Variants in ARHGEF7 observed in about 807,000 individuals in gnomAD.
ARHGEF7 encodes the protein PAK-interacting exchange factor beta.
In ARHGEF7, 33 loss-of-function variants were observed where a neutral mutation model predicts 109.8. The ratio of observed to expected loss-of-function variants is 0.30; its 90% CI spans 0.23 to 0.40. The LOEUF (loss-of-function observed/expected upper bound fraction) is 0.40, where lower values mean the gene tolerates loss of function less well. Among genes scored for constraint, ARHGEF7 ranks in the 10% least tolerant of loss-of-function variants. The pLI, the probability that ARHGEF7 is intolerant of heterozygous loss-of-function variation, is 1.00. For synonymous variants in ARHGEF7, 458 were observed against 424.6 expected, an observed-to-expected ratio of 1.08 and a Z score of -0.97; for missense variants, 938 against 1,098.5, an observed-to-expected ratio of 0.85 and a Z score of 2.07.
At chr13:111,262,446 T>G (rs2091206908) in intron 8 of ARHGEF7, among the ~76,000 whole-genome samples, 1 of 151,960 alleles carries the variant, frequency 6.6e-6, no homozygotes, top group Admixed American at 6.6e-5. Flanking sequence ...CCACCCTGAG[T>G]GGGAGCAGGA....
intron 1 of ARHGEF7, among the ~76,000 whole-genome samples, chr13:111,133,761 CTTTATA>C (rs1357294380): frequency 1.4e-4 from 10 of 73,352 alleles, no homozygotes; most frequent in Non-Finnish European, 2.0e-4. Flanking sequence ...ATCTGCTTTT[CTTTATA>C]TATATATATA....
At chr13:111,203,219 C>T in intron 2 of ARHGEF7, 1 of 622,716 alleles carries the variant, frequency 1.6e-6, no homozygotes, top group South Asian at 2.1e-5. Context: ...ATCTGTAGAG[C>T]TGAAAGACAT....
intron 2 of ARHGEF7, among the ~76,000 whole-genome samples, chr13:111,194,929 G>A (rs866454981): frequency 2.6e-5 from 4 of 152,324 alleles, no homozygotes; most frequent in Middle Eastern, 6.8e-3. Context: ...AGAGAGCAGG[G>A]TATAGGGGTT....
chr13:111,240,920 A>G (rs530296871), intron 6 of ARHGEF7, among the ~76,000 whole-genome samples: 1 of 152,362 alleles, frequency 6.6e-6, no homozygotes, highest in African/African-American at 2.4e-5. Flanking sequence ...ATAAACATAT[A>G]AAACACCTAC....
chr13:111,174,815 G>C (rs962192760), intron 2 of ARHGEF7, among the ~76,000 whole-genome samples: 2 of 152,008 alleles, frequency 1.3e-5, no homozygotes, highest in South Asian at 4.1e-4. Context: ...GGTCCTTGCA[G>C]CTCCTAGGAA....
chr13:111,266,350 G>A lies in ARHGEF7; in HGVS notation c.951-1198G>A, dbSNP rs1246363868. Among the ~76,000 whole-genome samples the A allele has an allele frequency of 1.3e-5, 2 of 152,106 alleles. No homozygotes were observed. The highest frequency in any genetic ancestry group is 2.9e-5 in the Non-Finnish European group (2 of 68,016). Reference sequence around the variant, plus strand: ...CTTCTGAATGACTCTGCTGTTGTCTGGGGCCTCGGTCTTCTTTTGGCCTGT... The same window carrying A: ...CTTCTGAATGACTCTGCTGTTGTCTAGGGCCTCGGTCTTCTTTTGGCCTGT... On this transcript the variant is annotated intron_variant, in intron 8 of 21. Transcript: ENST00000646102. The surrounding 1 kb of genome is among the most constrained non-coding windows in gnomAD (Gnocchi z 4.8).
intron 9 of ARHGEF7, among the ~76,000 whole-genome samples, chr13:111,271,555 AATG>A (rs113960951): frequency 3.2e-4 from 49 of 152,214 alleles, no homozygotes; most frequent in African/African-American, 1.1e-3. Context: ...GTCTCAAGGA[AATG>A]ATTTTTGGAA....
At chr13:111,203,880 G>A (rs902649852) in intron 2 of ARHGEF7, among the ~76,000 whole-genome samples, 1 of 152,172 alleles carries the variant, frequency 6.6e-6, no homozygotes, top group Non-Finnish European at 1.5e-5. Flanking sequence ...AGCAGCATGC[G>A]GTGCCTGCAG....
At chr13:111,220,752 A>G (rs1220675090) in intron 5 of ARHGEF7, among the ~76,000 whole-genome samples, 1 of 152,046 alleles carries the variant, frequency 6.6e-6, no homozygotes, top group Non-Finnish European at 1.5e-5. Flanking sequence ...CTCATGAGGA[A>G]CAGTGCTCTC....
intron 8 of ARHGEF7, among the ~76,000 whole-genome samples, chr13:111,261,627 T>A (rs1231437375): frequency 1.3e-5 from 2 of 152,226 alleles, no homozygotes; most frequent in African/African-American, 2.4e-5. Flanking sequence ...TTACAGAACA[T>A]TTCCTCTAGT....
chr13:111,194,870 C>A (rs1302987254), intron 2 of ARHGEF7, among the ~76,000 whole-genome samples: 1 of 151,882 alleles, frequency 6.6e-6, no homozygotes, highest in Admixed American at 6.5e-5. Flanking sequence ...CAGAAGGCGG[C>A]ATCCTTGAGG....
intron 1 of ARHGEF7, among the ~76,000 whole-genome samples, chr13:111,120,905 CTG>C (rs1002060409): frequency 3.3e-5 from 5 of 152,362 alleles, no homozygotes; most frequent in East Asian, 3.9e-4. Context: ...CAGCTCAAGA[CTG>C]TGAGCTTTCT....
In ARHGEF7 at chr13:111,303,265, G is replaced by A. The variant is rs771955512; in HGVS notation, c.*152G>A. The A allele has an allele frequency of 1.6e-5, 11 of 681,236 alleles. No individual in the cohort carries two copies. The highest frequency in any genetic ancestry group is 4.2e-4 in the Middle Eastern group (1 of 2,378). The allele number at this position is 681,236 out of a possible 1,614,324, so 42.2% of individuals were successfully genotyped here. Reference sequence around the variant, plus strand: ...ATAGAAAAGCTGGAGCTTATTCTGCGAATGGAGACGATCAAACCATGACTG... The same window carrying A: ...ATAGAAAAGCTGGAGCTTATTCTGCAAATGGAGACGATCAAACCATGACTG... On this transcript the variant is annotated 3_prime_UTR_variant, in exon 22 of 22. Coordinates refer to ENST00000646102, the MANE Select transcript of ARHGEF7 (RefSeq NM_001354046.2).
intron 13 of ARHGEF7, among the ~76,000 whole-genome samples, chr13:111,278,474 C>T (rs996553949): frequency 4.6e-5 from 7 of 152,170 alleles, no homozygotes; most frequent in Admixed American, 2.0e-4. Flanking sequence ...GCAGCAAGGA[C>T]GTTCAAGATC....
At chr13:111,269,814 C>T (rs1712140788) in intron 9 of ARHGEF7, among the ~76,000 whole-genome samples, 1 of 152,216 alleles carries the variant, frequency 6.6e-6, no homozygotes, top group Non-Finnish European at 1.5e-5. Flanking sequence ...CCCAAAGACA[C>T]AGCAGTGAAT....
intron 8 of ARHGEF7, among the ~76,000 whole-genome samples, chr13:111,248,560 T>C (rs2089280777): frequency 6.6e-6 from 1 of 152,236 alleles, no homozygotes; most frequent in South Asian, 2.1e-4. Flanking sequence ...TGACCTGGTC[T>C]CTGCTCTGTT....
chr13:111,173,961 T>C (rs1481263849), intron 2 of ARHGEF7, among the ~76,000 whole-genome samples: 2 of 152,190 alleles, frequency 1.3e-5, no homozygotes, highest in African/African-American at 4.8e-5. Context: ...AAAAATTTAC[T>C]TAATTTTCAA....
chr13:111,173,340 T>A (rs919866155), intron 2 of ARHGEF7, among the ~76,000 whole-genome samples: 2 of 152,196 alleles, frequency 1.3e-5, no homozygotes, highest in African/African-American at 4.8e-5. Flanking sequence ...TGCCCCCTTT[T>A]AAAGTCTTCC....
chr13:111,179,081 C>CT (rs869163230), intron 2 of ARHGEF7, among the ~76,000 whole-genome samples: 71 of 89,512 alleles, frequency 7.9e-4, no homozygotes, highest in Admixed American at 3.0e-3. Context: ...AATGCCTGTT[C>CT]TTTTTTTTTT....
Sources: gnomAD v4.1 joint callset for allele counts (sites outside exome capture counted in the v4.1 genomes callset) on GRCh38, gnomAD v4.1.1 for gene constraint, Gnocchi (gnomAD v3.1) non-coding constraint, MANE v1.5 for transcripts, NCBI Gene and HGNC (gene_info 2026-07-23, HGNC 2026-07-21) for gene names.